Variants in SV2B observed in about 807,000 individuals in gnomAD.
SV2B encodes the protein synaptic vesicle glycoprotein 2B, also known as solute carrier family 22 member B2.
In SV2B, 41 loss-of-function variants were observed where a neutral mutation model predicts 73.9. The observed-to-expected ratio is 0.56, with a 90% CI of 0.43 to 0.72. The LOEUF (loss-of-function observed/expected upper bound fraction) is 0.72. Ranked by LOEUF, SV2B falls within the 30% of genes least tolerant of loss-of-function variation. SV2B has a pLI of 0.00. For synonymous variants in SV2B, 314 were observed against 314.2 expected (o/e 1.00, Z 0.01); for missense variants, 764 against 857.8 (o/e 0.89, Z 1.37).
At chr15:91,168,626 A>C (rs1223414512) in intron 1 of SV2B, among the ~76,000 whole-genome samples, 4 of 151,808 alleles carry the variant, frequency 2.6e-5, no homozygotes, top group Non-Finnish European at 5.9e-5. Flanking sequence ...TAGTTCTGGG[A>C]TGTGAGCCAC....
At position 91,284,154 on chromosome 15, in the gene SV2B, G is replaced by C. The variant is rs762322171; in HGVS notation, c.1641G>C (p.Leu547=). Residue 547 remains leucine, a synonymous_variant, in exon 11 of 13, where the codon CTG becomes CTC. Coordinates refer to ENST00000394232, the MANE Select transcript of SV2B (RefSeq NM_001323032.3). This position sits in a 1 kb window ranked among gnomAD's most constrained non-coding sequence, Gnocchi z 4.5. ...LIYLVSFLGS[L]SVLPGNIISA... is the part of the protein sequence containing the mutation. Reference sequence around the variant, plus strand: ...ACCTCGTCAGCTTCCTGGGCAGCCTGTCTGTCTTACCCGGGAACATCATTT... The same window carrying C: ...ACCTCGTCAGCTTCCTGGGCAGCCTCTCTGTCTTACCCGGGAACATCATTT... 4 of 1,614,200 alleles carry C rather than the reference G, an allele frequency of 2.5e-6. No individual in the cohort carries two copies. The highest frequency in any genetic ancestry group is 1.6e-4 in the Middle Eastern group (1 of 6,062).
chr15:91,186,158 A>T (rs1439069347), intron 1 of SV2B, among the ~76,000 whole-genome samples: 3 of 152,142 alleles, frequency 2.0e-5, no homozygotes, highest in Non-Finnish European at 4.4e-5. Flanking sequence ...GCCTATCTGG[A>T]TATTTATCGG....
intron 1 of SV2B, among the ~76,000 whole-genome samples, chr15:91,113,633 A>G (rs1354030051): frequency 6.6e-6 from 1 of 152,214 alleles, no homozygotes. Context: ...TACCAGGAGC[A>G]TATACATCTG....
In SV2B at chr15:91,268,675, C is replaced by T. The variant is rs553693506; in HGVS notation, c.1373+70C>T. 17 of 1,539,078 alleles carry T rather than the reference C, an allele frequency of 1.1e-5. No individual in the cohort carries two copies. The highest frequency in any genetic ancestry group is 4.1e-5 in the African/African-American group (3 of 72,584). On this transcript the variant is annotated intron_variant, in intron 9 of 12. Coordinates refer to ENST00000394232, the MANE Select transcript of SV2B (RefSeq NM_001323032.3). The surrounding 1 kb of genome is among the most constrained non-coding windows in gnomAD (Gnocchi z 4.4). ...GTGGGGACTGTTATTGGGAGGGAGC[C>T]GGAGGGAAGATAAGAATCAAATATG...
At chr15:91,145,560 G>T (rs1256689767) in intron 1 of SV2B, among the ~76,000 whole-genome samples, 1 of 152,172 alleles carries the variant, frequency 6.6e-6, no homozygotes, top group Non-Finnish European at 1.5e-5. Context: ...TTGAGGAATT[G>T]TCATACTGTC....
chr15:91,152,763 T>C (rs2043353760), intron 1 of SV2B, among the ~76,000 whole-genome samples: 2 of 152,192 alleles, frequency 1.3e-5, no homozygotes, highest in South Asian at 4.1e-4. Context: ...AGGTTTTCTT[T>C]CTGAGCTTCC....
At chr15:91,120,889 T>C (rs2042316739) in intron 1 of SV2B, among the ~76,000 whole-genome samples, 1 of 152,140 alleles carries the variant, frequency 6.6e-6, no homozygotes, top group Non-Finnish European at 1.5e-5. Context: ...GGCTTTGAGT[T>C]CTTTAAATTC....
chr15:91,235,905 G>C (rs1267769240), intron 2 of SV2B, among the ~76,000 whole-genome samples: 1 of 152,132 alleles, frequency 6.6e-6, no homozygotes, highest in Non-Finnish European at 1.5e-5. Flanking sequence ...AGATAGAGAG[G>C]GGGAGAGAGA....
rs1316276796 is a variant in SV2B, at chr15:91,100,530, C to T, written c.-392+167C>T. The stretch of plus-strand genomic sequence containing the variant: ...AAAAGATCGGAGAGTCTTGAAAAAC[C>T]GGCGCAGAAAAGCAAGGACTTGCCC... On this transcript the variant is annotated intron_variant, in intron 1 of 12. Coordinates refer to ENST00000394232, the MANE Select transcript of SV2B (RefSeq NM_001323032.3). This position sits in a 1 kb window ranked among gnomAD's most constrained non-coding sequence, Gnocchi z 6.4. 6.6e-6 allele frequency among the ~76,000 whole-genome samples: 1 copy of T among 152,220 alleles called. No homozygotes were observed. Among genetic ancestry groups the T allele is most frequent in the African/African-American group, 2.4e-5 (1 of 41,456 alleles).
At chr15:91,256,655 G>C (rs931528993) in intron 4 of SV2B, among the ~76,000 whole-genome samples, 1 of 152,216 alleles carries the variant, frequency 6.6e-6, no homozygotes, top group Admixed American at 6.5e-5. Context: ...ACCTCAGTGA[G>C]ATGATAAGAG....
At chr15:91,196,392 T>G (rs549156006) in intron 1 of SV2B, among the ~76,000 whole-genome samples, 3 of 152,370 alleles carry the variant, frequency 2.0e-5, no homozygotes, top group African/African-American at 7.2e-5. Flanking sequence ...AGTGATGTAT[T>G]ATGTCTACAT....
intron 6 of SV2B, 21 bp downstream of exon 6, chr15:91,260,430 C>T: frequency 6.4e-7 from 1 of 1,570,584 alleles, no homozygotes; most frequent in East Asian, 2.3e-5. Flanking sequence ...GGTTGCCTGC[C>T]AATAAGAAGG....
chr15:91,268,971 G>A lies in SV2B; in HGVS notation c.1373+366G>A, dbSNP rs1378660513. 6.6e-6 allele frequency among the ~76,000 whole-genome samples: 1 copy of A among 152,090 alleles called. No individual in the cohort carries two copies. Among genetic ancestry groups the A allele is most frequent in the African/African-American group, 2.4e-5 (1 of 41,412 alleles). On this transcript the variant is annotated intron_variant, in intron 9 of 12. Transcript: ENST00000394232. This position sits in a 1 kb window ranked among gnomAD's most constrained non-coding sequence, Gnocchi z 4.4. Reference sequence around the variant, plus strand: ...GATTCCCGAACTAGTCCAAAGCCTGGGTGTTGAGCTTTTACTTTGACCCTA... The same window carrying A: ...GATTCCCGAACTAGTCCAAAGCCTGAGTGTTGAGCTTTTACTTTGACCCTA...
chr15:91,263,548 A>G (rs1275572679), intron 6 of SV2B, among the ~76,000 whole-genome samples: 2 of 152,066 alleles, frequency 1.3e-5, no homozygotes, highest in Admixed American at 1.3e-4. Flanking sequence ...ATTAAGACAG[A>G]CACACAGACA....
rs1368880793 is a variant in SV2B at position 91,297,930 on chromosome 15, G to A, written c.*5378G>A. 6.6e-6 allele frequency: 1 copy of A among 152,262 alleles called. No individual in the cohort carries two copies. Among genetic ancestry groups the A allele is most frequent in the East Asian group, 1.9e-4 (1 of 5,198 alleles). 9.4% of individuals were successfully genotyped at this position (152,262 alleles called of 1,614,324 possible). A position where few individuals can be genotyped will look rare whatever the true frequency, so the allele number is the denominator to read the frequency against. On this transcript the variant is annotated 3_prime_UTR_variant, in exon 13 of 13. Transcript: ENST00000394232. The surrounding 1 kb of genome is among the most constrained non-coding windows in gnomAD (Gnocchi z 5.1). Reference sequence around the variant, plus strand: ...TTTCCCCTGGGGGTTGGTGATCTTTGTTTTGGCCATTTCCACCTGGTGAAG... The same window carrying A: ...TTTCCCCTGGGGGTTGGTGATCTTTATTTTGGCCATTTCCACCTGGTGAAG...
chr15:91,252,654 A>T lies in SV2B; in HGVS notation c.784+134A>T. 1 of 935,624 alleles carries T rather than the reference A, an allele frequency of 1.1e-6. No homozygotes were observed. Among genetic ancestry groups the T allele is most frequent in the Admixed American group, 4.2e-5 (1 of 23,624 alleles). The allele number at this position is 935,624 out of a possible 1,614,324, so 58.0% of individuals were successfully genotyped here. ...TACGTGACCTTGATCTTTCTTAACA[A>T]CTTCTAACATTGCAGACACATTGTT... On this transcript the variant is annotated intron_variant, in intron 4 of 12. Coordinates refer to ENST00000394232, the MANE Select transcript of SV2B (RefSeq NM_001323032.3). This position sits in a 1 kb window ranked among gnomAD's most constrained non-coding sequence, Gnocchi z 4.6.
chr15:91,173,073 C>A (rs1393897546), intron 1 of SV2B, among the ~76,000 whole-genome samples: 1 of 152,046 alleles, frequency 6.6e-6, no homozygotes, highest in Non-Finnish European at 1.5e-5. Flanking sequence ...AAAGGAGGCA[C>A]TTTTTGGTTG....
rs767297231 is a variant in SV2B at position 91,283,868 on chromosome 15, A to G, written c.1508-153A>G. ...CTCTCCTCATCCATACCTTGATGAC[A>G]TGGCCACATATTACCTTGACTTTGA... On this transcript the variant is annotated intron_variant, in intron 10 of 12. Transcript: ENST00000394232. This position sits in a 1 kb window ranked among gnomAD's most constrained non-coding sequence, Gnocchi z 4.3. Among the ~76,000 whole-genome samples, 4 of 152,212 alleles carry G rather than the reference A, an allele frequency of 2.6e-5. No homozygotes were observed. Among genetic ancestry groups the G allele is most frequent in the Admixed American group, 6.5e-5 (1 of 15,286 alleles).
intron 1 of SV2B, among the ~76,000 whole-genome samples, chr15:91,114,133 G>A (rs953189038): frequency 3.6e-4 from 49 of 137,594 alleles, no homozygotes; most frequent in African/African-American, 1.2e-3. Context: ...GCAGTGAGCC[G>A]AGATCGCGCC....
Sources: allele counts gnomAD v4.1 joint callset (sites outside exome capture counted in the v4.1 genomes callset), GRCh38; gene constraint gnomAD v4.1.1; non-coding constraint Gnocchi (gnomAD v3.1); transcripts MANE v1.5; gene names NCBI Gene and HGNC (gene_info 2026-07-23, HGNC 2026-07-21).